MLIP: variants seen among roughly 807,000 people sequenced by gnomAD.
MLIP encodes muscular LMNA-interacting protein.
In MLIP, 79 loss-of-function variants were observed where a neutral mutation model predicts 84.8. The observed-to-expected ratio is 0.93, with a 90% CI of 0.78 to 1.12. The LOEUF (loss-of-function observed/expected upper bound fraction) is 1.12, where lower values mean the gene tolerates loss of function less well. MLIP is among the 50% of genes most tolerant of loss of function. The probability of loss-of-function intolerance (pLI) is 0.00; values close to 1 mark genes in which losing one functional copy is unlikely to be tolerated. For missense variants in MLIP, 1,257 were observed against 1,160.6 expected, an observed-to-expected ratio of 1.08 and a Z score of -1.21; for synonymous variants, 504 against 463.0, an observed-to-expected ratio of 1.09 and a Z score of -1.14.
At chr6:54,134,869 T>G (rs1244584692) in intron 3 of MLIP, among the ~76,000 whole-genome samples, 1 of 152,052 alleles carries the variant, frequency 6.6e-6, no homozygotes, top group Non-Finnish European at 1.5e-5. Context: ...AAACAGCTAT[T>G]CCAGGCATAG....
chr6:54,201,948 C>A (rs1256809183), intron 10 of MLIP, among the ~76,000 whole-genome samples, 157 bp from the exon 11 acceptor site: 2 of 152,078 alleles, frequency 1.3e-5, no homozygotes, highest in Non-Finnish European at 1.5e-5. Flanking sequence ...AATCATTTGA[C>A]TTCAGGCTGT....
Position 54,117,368 on chromosome 6 carries a change from C to T in MLIP, c.97-4079C>T, listed in dbSNP as rs571450129. On this transcript the variant is annotated intron_variant, in intron 1 of 13. Transcript: ENST00000502396. ...TAGCTGGGACTACAGGCACCCGCCACGACGCCTGGCTAATTTTTTGTATTT... is the reference window on the plus strand; with the variant it reads ...TAGCTGGGACTACAGGCACCCGCCATGACGCCTGGCTAATTTTTTGTATTT... Among the ~76,000 whole-genome samples, 414 of 151,768 alleles carry T rather than the reference C, an allele frequency of 2.7e-3. 6 individuals are homozygous for T. Among genetic ancestry groups the T allele is most frequent in the African/African-American group, 9.0e-3 (372 of 41,420 alleles).
intron 5 of MLIP, among the ~76,000 whole-genome samples, chr6:54,154,128 CT>C (rs79645076): frequency 0.071 from 10,770 of 152,082 alleles, 550 homozygotes; most frequent in East Asian, 0.24. Context: ...TCTTGAACTT[CT>C]TGAAGAGGCA....
At chr6:54,177,386 A>G (rs1022810407) in intron 9 of MLIP, among the ~76,000 whole-genome samples, 2 of 152,188 alleles carry the variant, frequency 1.3e-5, no homozygotes, top group Non-Finnish European at 2.9e-5. Context: ...TGGACAAAGG[A>G]CACAAACAGA....
intron 1 of MLIP, chr6:54,031,587 TAA>T (rs1764146004): frequency 6.6e-6 from 1 of 152,210 alleles, no homozygotes; most frequent in Non-Finnish European, 1.5e-5. Context: ...GATCCCAAGC[TAA>T]GTCTAAATTA....
intron 1 of MLIP, among the ~76,000 whole-genome samples, chr6:54,071,832 C>A (rs949569651): frequency 6.6e-6 from 1 of 152,110 alleles, no homozygotes; most frequent in African/African-American, 2.4e-5. Flanking sequence ...ATAAACCAAG[C>A]CTACTGCACA....
At chr6:54,101,463 T>G (rs1768641568) in intron 1 of MLIP, among the ~76,000 whole-genome samples, 1 of 152,140 alleles carries the variant, frequency 6.6e-6, no homozygotes, top group Non-Finnish European at 1.5e-5. Context: ...ATGCTTTTAT[T>G]ATGCCCCTTT....
In MLIP at chr6:54,200,797, G is replaced by T. The variant is rs779247009; in HGVS notation, c.2590-1308G>T. The stretch of plus-strand genomic sequence containing the variant: ...GGAAGATAGAGACTTGTCTCAATCT[G>T]TATTTTCCCAGTTGTCATATACATG... On this transcript the variant is annotated intron_variant, in intron 10 of 13. Transcript: ENST00000502396. 1.4e-3 allele frequency among the ~76,000 whole-genome samples: 206 copies of T among 152,208 alleles called. 1 individual carries two copies. The highest frequency in any genetic ancestry group is 1.9e-3 in the Non-Finnish European group (130 of 68,000).
chr6:54,244,377 T>G (rs980511540), intron 12 of MLIP, among the ~76,000 whole-genome samples: 1 of 152,190 alleles, frequency 6.6e-6, no homozygotes, highest in Non-Finnish European at 1.5e-5. Context: ...AAAAATGTTT[T>G]AAGATTTTTC....
intron 2 of MLIP, among the ~76,000 whole-genome samples, chr6:54,121,858 A>G (rs1770484857): frequency 6.6e-6 from 1 of 152,208 alleles, no homozygotes; most frequent in Non-Finnish European, 1.5e-5. Context: ...CTCCTGGCAC[A>G]TTCTCTCAAA....
In MLIP at chr6:54,202,613, C is replaced by A. The variant is rs549443659; in HGVS notation, c.2718+380C>A. 8.5e-5 allele frequency among the ~76,000 whole-genome samples: 13 copies of A among 152,066 alleles called. No homozygotes were observed. The South Asian group carries it at 2.7e-3, about 32-fold the overall frequency. On this transcript the variant is annotated intron_variant, in intron 11 of 13. Transcript: ENST00000502396. ...CTTATTTCTAAAATCCTGCTTCCAG[C>A]TGGATACAGTGGCTCATGTCTATAA...
rs1234656219 is a variant in MLIP at position 54,168,729 on chromosome 6, T to C, written c.2500-799T>C. Among the ~76,000 whole-genome samples, 3 of 151,774 alleles carry C rather than the reference T, an allele frequency of 2.0e-5. No individual in the cohort carries two copies. The Admixed American group carries it at 2.0e-4, about 10-fold the overall frequency. ...GGCAGTACTGAATGCACATTTGAAA[T>C]TGATAATTGTTAATTTAAAATAAAA... On this transcript the variant is annotated intron_variant, in intron 8 of 13. Transcript: ENST00000502396.
intron 1 of MLIP, among the ~76,000 whole-genome samples, chr6:54,118,049 T>C (rs945878959): frequency 2.0e-5 from 3 of 152,184 alleles, no homozygotes; most frequent in African/African-American, 4.8e-5. Flanking sequence ...AAAGATATAC[T>C]GTGTTCATGA....
chr6:54,042,029 C>T (rs540125597), intron 1 of MLIP, among the ~76,000 whole-genome samples: 201 of 152,126 alleles, frequency 1.3e-3, no homozygotes, highest in Non-Finnish European at 2.1e-3. Flanking sequence ...GTCAATTTTT[C>T]CTAATTCATA....
chr6:54,192,567 C>A (rs768116076), intron 10 of MLIP, among the ~76,000 whole-genome samples: 34 of 151,562 alleles, frequency 2.2e-4, no homozygotes, highest in Non-Finnish European at 3.8e-4. Context: ...TCTTTAAGTT[C>A]TGAATAATAT....
intron 9 of MLIP, among the ~76,000 whole-genome samples, chr6:54,186,640 G>A (rs1220568069): frequency 6.6e-6 from 1 of 152,170 alleles, no homozygotes; most frequent in Non-Finnish European, 1.5e-5. Context: ...AGAGAGAAGT[G>A]TAGGCAAGAG....
At chr6:54,189,752 A>G (rs1777732725) in intron 9 of MLIP, 118 bp from the exon 10 acceptor site, 1 of 730,562 alleles carries the variant, frequency 1.4e-6, no homozygotes, top group South Asian at 1.8e-5. Flanking sequence ...TTTTCTTTAT[A>G]CTTTTCAAAA....
intron 4 of MLIP, among the ~76,000 whole-genome samples, chr6:54,139,671 CT>C (rs1772126191): frequency 3.3e-5 from 5 of 152,126 alleles, no homozygotes; most frequent in Admixed American, 3.3e-4. Context: ...ACTATTTTCC[CT>C]ATTTTGTACA....
chr6:54,247,819 G>C (rs1462604842), intron 12 of MLIP, among the ~76,000 whole-genome samples: 2 of 152,050 alleles, frequency 1.3e-5, no homozygotes, highest in African/African-American at 2.4e-5. Context: ...GATGCTCTTG[G>C]GGGTGTACTG....
Sources: allele counts gnomAD v4.1 joint callset (sites outside exome capture counted in the v4.1 genomes callset), GRCh38; gene constraint gnomAD v4.1.1; transcripts MANE v1.5; gene names NCBI Gene and HGNC (gene_info 2026-07-23, HGNC 2026-07-21).